ALCAM: variants seen among roughly 807,000 people sequenced by gnomAD.
The protein encoded by ALCAM is CD166 antigen.
A neutral mutation model predicts 70.9 loss-of-function variants in ALCAM; 30 were observed. That is an observed-to-expected ratio of 0.42 (90% CI 0.32 to 0.57). The LOEUF (loss-of-function observed/expected upper bound fraction) is 0.57. Ranked by LOEUF, ALCAM falls within the 20% of genes least tolerant of loss-of-function variation. The pLI, the probability that ALCAM is intolerant of heterozygous loss-of-function variation, is 0.11. For synonymous variants in ALCAM, 249 were observed against 242.5 expected (o/e 1.03, Z -0.25); for missense variants, 591 against 695.1 (o/e 0.85, Z 1.68).
At chr3:105,367,879 C>G (rs988180120) in intron 1 of ALCAM, among the ~76,000 whole-genome samples, 4 of 152,086 alleles carry the variant, frequency 2.6e-5, no homozygotes, top group Non-Finnish European at 4.4e-5. Context: ...GCTTAGTTCT[C>G]GGATGAAATA....
At chr3:105,375,927 C>A (rs985437566) in intron 1 of ALCAM, among the ~76,000 whole-genome samples, 1 of 152,122 alleles carries the variant, frequency 6.6e-6, no homozygotes, top group African/African-American at 2.4e-5. Context: ...AAACTTTGAC[C>A]CTGTATTAAC....
At chr3:105,469,550 C>A (rs750371844) in intron 1 of ALCAM, among the ~76,000 whole-genome samples, 1 of 150,860 alleles carries the variant, frequency 6.6e-6, no homozygotes, top group African/African-American at 2.4e-5. Context: ...AATGAATGGC[C>A]CTAGGTGAGT....
chr3:105,392,943 A>G (rs1047528271), intron 1 of ALCAM, among the ~76,000 whole-genome samples: 1 of 151,468 alleles, frequency 6.6e-6, no homozygotes, highest in Non-Finnish European at 1.5e-5. Flanking sequence ...AAATTATTGT[A>G]ACAACAGTAT....
chr3:105,524,112 C>T (rs920926935), intron 2 of ALCAM, among the ~76,000 whole-genome samples, 177 bp from the exon 3 acceptor site: 3 of 152,026 alleles, frequency 2.0e-5, no homozygotes, highest in Non-Finnish European at 4.4e-5. Context: ...TATGGCTTCT[C>T]TCTTATGAAG....
intron 1 of ALCAM, among the ~76,000 whole-genome samples, chr3:105,420,626 C>T (rs1488117326): frequency 6.6e-6 from 1 of 151,668 alleles, no homozygotes; most frequent in Non-Finnish European, 1.5e-5. Flanking sequence ...TAATGCCACT[C>T]CTGGTCCAGT....
intron 11 of ALCAM, among the ~76,000 whole-genome samples, chr3:105,548,309 T>C (rs1553735551): frequency 6.6e-6 from 1 of 151,364 alleles, no homozygotes; most frequent in Non-Finnish European, 1.5e-5. Flanking sequence ...ACATACTTGC[T>C]AATTCCATTG....
At chr3:105,425,475 G>T (rs528537186) in intron 1 of ALCAM, among the ~76,000 whole-genome samples, 4 of 151,652 alleles carry the variant, frequency 2.6e-5, no homozygotes, top group East Asian at 3.9e-4. Context: ...CCGGAGAAAC[G>T]ATTTTCATTC....
chr3:105,525,932 C>A (rs1172293740), intron 3 of ALCAM, among the ~76,000 whole-genome samples: 1 of 152,230 alleles, frequency 6.6e-6, no homozygotes, highest in Non-Finnish European at 1.5e-5. Context: ...TAGTCTGCAT[C>A]CTGCATTTGC....
chr3:105,504,031 T>C (rs192457586), intron 1 of ALCAM, among the ~76,000 whole-genome samples: 1 of 152,356 alleles, frequency 6.6e-6, no homozygotes, highest in East Asian at 1.9e-4. Flanking sequence ...TCAGCACTCG[T>C]TGTATGAAAA....
At chr3:105,445,117 A>T (rs969904006) in intron 1 of ALCAM, among the ~76,000 whole-genome samples, 3 of 152,218 alleles carry the variant, frequency 2.0e-5, no homozygotes, top group Admixed American at 1.3e-4. Context: ...GAAGAAATAA[A>T]ATTAATCAAG....
chr3:105,421,023 C>T (rs1409755154), intron 1 of ALCAM, among the ~76,000 whole-genome samples: 1 of 151,284 alleles, frequency 6.6e-6, no homozygotes, highest in Non-Finnish European at 1.5e-5. Flanking sequence ...GCATTGGTAA[C>T]CTGTGAGAAA....
intron 14 of ALCAM, among the ~76,000 whole-genome samples, chr3:105,563,732 C>T (rs1409391757): frequency 1.6e-5 from 2 of 123,560 alleles, no homozygotes; most frequent in Admixed American, 1.0e-4. Context: ...CCAGGCCGGA[C>T]TGCGGACTGC....
chr3:105,567,624 A>G (rs1486575908), intron 14 of ALCAM, among the ~76,000 whole-genome samples: 1 of 152,188 alleles, frequency 6.6e-6, no homozygotes, highest in Admixed American at 6.5e-5. Context: ...TTTCAGTCAT[A>G]GAATTATTTT....
intron 1 of ALCAM, among the ~76,000 whole-genome samples, chr3:105,497,537 C>T (rs1938780822): frequency 6.6e-6 from 1 of 152,120 alleles, no homozygotes; most frequent in Non-Finnish European, 1.5e-5. Context: ...TGGATAGTCT[C>T]CTGATGTCTA....
intron 14 of ALCAM, among the ~76,000 whole-genome samples, chr3:105,564,153 G>T (rs931271901): frequency 6.6e-6 from 1 of 151,160 alleles, no homozygotes; most frequent in Admixed American, 6.6e-5. Flanking sequence ...GTGTAGTGTT[G>T]TATAATTGTC....
intron 1 of ALCAM, among the ~76,000 whole-genome samples, chr3:105,441,476 T>C (rs1389384796): frequency 1.3e-5 from 2 of 152,336 alleles, no homozygotes; most frequent in African/African-American, 4.8e-5. Context: ...TCAACTTTCC[T>C]TTGCTTTTAA....
intron 1 of ALCAM, among the ~76,000 whole-genome samples, chr3:105,471,022 C>T (rs1288079540): frequency 6.6e-6 from 1 of 151,198 alleles, no homozygotes; most frequent in Non-Finnish European, 1.5e-5. Flanking sequence ...TATTTTTATG[C>T]TAATTTCCTG....
In ALCAM at chr3:105,495,721, G is replaced by T. The variant is rs367936187; in HGVS notation, c.74-24346G>T. Among the ~76,000 whole-genome samples the T allele has an allele frequency of 8.5e-5, 13 of 152,216 alleles. No homozygotes were observed. The East Asian group carries it at 2.3e-3, about 27-fold the overall frequency. ...TAAAATTAGCAAACAAGATCAAAGT[G>T]CCATTTACTACCTATGGCTGCAAAT... is the stretch of plus-strand genomic sequence containing the variant. On this transcript the variant is annotated intron_variant, in intron 1 of 15. Coordinates refer to ENST00000306107, the MANE Select transcript of ALCAM (RefSeq NM_001627.4).
chr3:105,398,256 G>A (rs1576134014), intron 1 of ALCAM, among the ~76,000 whole-genome samples: 1 of 152,204 alleles, frequency 6.6e-6, no homozygotes, highest in East Asian at 1.9e-4. Flanking sequence ...AGCCTATGCT[G>A]TGCTGACCCA....
Sources: gnomAD v4.1 joint callset for allele counts (sites outside exome capture counted in the v4.1 genomes callset) on GRCh38, gnomAD v4.1.1 for gene constraint, MANE v1.5 for transcripts, NCBI Gene and HGNC (gene_info 2026-07-23, HGNC 2026-07-21) for gene names.